EBF2: variants seen among roughly 807,000 people sequenced by gnomAD.
EBF2 encodes EBF transcription factor 2.
Under a neutral mutation model 72.8 loss-of-function variants are expected in EBF2, and 21 were observed. The ratio of observed to expected loss-of-function variants is 0.29; its 90% confidence interval spans 0.20 to 0.42. The LOEUF (loss-of-function observed/expected upper bound fraction) is 0.42, where lower values mean the gene tolerates loss of function less well. Among genes scored for constraint, EBF2 ranks in the 10% least tolerant of loss-of-function variants. The pLI is 1.00. For missense variants in EBF2, 637 were observed against 731.2 expected (o/e 0.87, Z 1.49); for synonymous variants, 299 against 274.2 (o/e 1.09, Z -0.89).
At chr8:26,004,608 GA>G (rs1275469149) in intron 6 of EBF2, among the ~76,000 whole-genome samples, 1 of 137,776 alleles carries the variant, frequency 7.3e-6, no homozygotes, top group Non-Finnish European at 1.5e-5. Flanking sequence ...CAGGGAGGCA[GA>G]GGTTGCAGTG....
intron 6 of EBF2, among the ~76,000 whole-genome samples, chr8:26,014,137 A>T (rs1477620185): frequency 6.6e-6 from 1 of 152,198 alleles, no homozygotes; most frequent in Non-Finnish European, 1.5e-5. Context: ...TAAGGCATAT[A>T]TGGAGAAATA....
At chr8:25,863,568 G>A (rs1044644835) in intron 10 of EBF2, among the ~76,000 whole-genome samples, 1 of 151,836 alleles carries the variant, frequency 6.6e-6, no homozygotes, top group Admixed American at 6.6e-5. Flanking sequence ...AAAGTTTCTT[G>A]TTTAAATGTC....
At chr8:25,915,120 G>A (rs890699678) in intron 6 of EBF2, among the ~76,000 whole-genome samples, 1 of 152,094 alleles carries the variant, frequency 6.6e-6, no homozygotes, top group East Asian at 1.9e-4. Context: ...TTGGGAGGAG[G>A]AAAATTAACA....
chr8:26,023,107 G>A (rs1805231064), intron 6 of EBF2, among the ~76,000 whole-genome samples: 1 of 152,078 alleles, frequency 6.6e-6, no homozygotes, highest in African/African-American at 2.4e-5. Context: ...TCTCTTAGCT[G>A]GGTCAAAAAT....
In EBF2 at chr8:25,898,450, T is replaced by TAAAA. The variant is rs112211291; in HGVS notation, c.634-8585_634-8582dup. 3.1e-3 allele frequency among the ~76,000 whole-genome samples: 455 copies of TAAAA among 144,512 alleles called. 1 individual carries two copies. The highest frequency in any genetic ancestry group is 0.01 in the African/African-American group (415 of 39,756). 94.8% of individuals were successfully genotyped at this position (144,512 alleles called of 152,430 possible). A position where few individuals can be genotyped will look rare whatever the true frequency, so the allele number is the denominator to read the frequency against. ...CCCAATTGAGAAATCCAGTGGCAAT[T>TAAAA]AAAAAAAAAAAAACCAGCTTTTCAT... On this transcript the variant is annotated intron_variant, in intron 7 of 15. Transcript: ENST00000520164.
At chr8:26,015,378 T>A (rs1486448484) in intron 6 of EBF2, among the ~76,000 whole-genome samples, 1 of 152,226 alleles carries the variant, frequency 6.6e-6, no homozygotes, top group Admixed American at 6.5e-5. Flanking sequence ...CACAAGGGCA[T>A]GCCCTTTCAT....
intron 6 of EBF2, among the ~76,000 whole-genome samples, chr8:25,920,179 T>C (rs1296399262): frequency 6.6e-6 from 1 of 152,234 alleles, no homozygotes; most frequent in Admixed American, 6.5e-5. Context: ...TCTTTAATAA[T>C]GTCCTCACCT....
Position 25,887,991 on chromosome 8 carries a change from A to G in EBF2, c.752-19T>C. 6.3e-7 allele frequency: 1 copy of G among 1,594,458 alleles called. No individual in the cohort carries two copies. Among genetic ancestry groups the G allele is most frequent in the African/African-American group, 1.3e-5 (1 of 74,112 alleles). ...GGGGTAGCTAAGAAGACAGGAAAGA[A>G]AAAGTCAGGTTTGTTCTTTCATGGG... On this transcript the variant is annotated intron_variant, in intron 8 of 15. Transcript: ENST00000520164.
rs187129356 is a variant in EBF2 at position 25,956,569 on chromosome 8, C to G, written c.552-48014G>C. ...TTGTATGCATTAAGTAATTTCTCAT[C>G]CCTCGCCCTCTCCCACCCTCCCAAA... On this transcript the variant is annotated intron_variant, in intron 6 of 15. Coordinates refer to ENST00000520164, the MANE Select transcript of EBF2 (RefSeq NM_022659.4). Among the ~76,000 whole-genome samples the G allele has an allele frequency of 1.2e-3, 178 of 152,224 alleles. 3 individuals are homozygous for G. The highest frequency in any genetic ancestry group is 2.5e-4 in the Non-Finnish European group (17 of 68,014).
At chr8:25,990,949 ACTT>A (rs1321879487) in intron 6 of EBF2, among the ~76,000 whole-genome samples, 1 of 152,156 alleles carries the variant, frequency 6.6e-6, no homozygotes, top group African/African-American at 2.4e-5. Context: ...GGTAAAATAA[ACTT>A]CTTTATGCTC....
intron 15 of EBF2, 69 bp from the exon 16 acceptor site, chr8:25,844,709 G>T (rs1444614541): frequency 6.3e-7 from 1 of 1,575,064 alleles, no homozygotes; most frequent in African/African-American, 1.3e-5. Context: ...GACACAGAAT[G>T]AGGGGCAGGG....
At chr8:25,901,171 A>G (rs1198648136) in intron 7 of EBF2, among the ~76,000 whole-genome samples, 1 of 152,158 alleles carries the variant, frequency 6.6e-6, no homozygotes, top group Non-Finnish European at 1.5e-5. Flanking sequence ...CAATCTCAGC[A>G]TTTTGAGAGG....
Position 25,844,623 on chromosome 8 carries a change from C to A in EBF2, c.1714G>T (p.Val572Leu). Residue 572 changes from valine to leucine, a missense_variant, in exon 16 of 16, where the codon GTA becomes TTA. By Grantham distance (32) the Val-to-Leu change is conservative. Coordinates refer to ENST00000520164, the MANE Select transcript of EBF2 (RefSeq NM_022659.4). Reference protein sequence around the residue: ...NGFRAMTGLVVPPM With the variant: ...NGFRAMTGLVLPPM ...GCAGTTCTTCTTTACATCGGGGGTA[C>A]AACAAGTCCGGTCATGGCTGCAAGG... 6.2e-7 allele frequency: 1 copy of A among 1,613,892 alleles called. No individual in the cohort carries two copies. The highest frequency in any genetic ancestry group is 8.5e-7 in the Non-Finnish European group (1 of 1,179,850).
intron 6 of EBF2, among the ~76,000 whole-genome samples, chr8:25,922,943 A>T (rs1482447784): frequency 2.8e-5 from 4 of 144,516 alleles, no homozygotes; most frequent in Non-Finnish European, 6.0e-5. Flanking sequence ...AATGGAATAC[A>T]ACTACTAAAG....
At chr8:26,012,705 G>A (rs1305645919) in intron 6 of EBF2, among the ~76,000 whole-genome samples, 1 of 152,184 alleles carries the variant, frequency 6.6e-6, no homozygotes, top group Non-Finnish European at 1.5e-5. Flanking sequence ...TATTTGCGGT[G>A]TTTGCCAGAT....
intron 6 of EBF2, among the ~76,000 whole-genome samples, chr8:25,911,938 G>T (rs1803136518): frequency 6.6e-6 from 1 of 152,214 alleles, no homozygotes; most frequent in Non-Finnish European, 1.5e-5. Context: ...TGGGCAGATT[G>T]TTGGGTGAGT....
chr8:25,927,093 A>G (rs1204176206), intron 6 of EBF2, among the ~76,000 whole-genome samples: 1 of 152,128 alleles, frequency 6.6e-6, no homozygotes, highest in Admixed American at 6.5e-5. Flanking sequence ...AAGTAGAGGG[A>G]TTACCCTTGA....
At chr8:26,017,753 C>T (rs928471835) in intron 6 of EBF2, among the ~76,000 whole-genome samples, 6 of 152,162 alleles carry the variant, frequency 3.9e-5, no homozygotes, top group African/African-American at 1.4e-4. Context: ...AATGTTCCTC[C>T]CAGAAAAATA....
At chr8:25,970,263 AC>A (rs1406385349) in intron 6 of EBF2, among the ~76,000 whole-genome samples, 2 of 152,130 alleles carry the variant, frequency 1.3e-5, no homozygotes, top group African/African-American at 4.8e-5. Context: ...CTAGGCTGGT[AC>A]CAAAGCGTAA....
Sources: gnomAD v4.1 joint callset for allele counts (sites outside exome capture counted in the v4.1 genomes callset) on GRCh38, gnomAD v4.1.1 for gene constraint, MANE v1.5 for transcripts, NCBI Gene and HGNC (gene_info 2026-07-23, HGNC 2026-07-21) for gene names.